Variants in UVSSA observed in about 807,000 individuals in gnomAD.
UVSSA encodes UV-stimulated scaffold protein A.
UVSSA carries 72 observed loss-of-function variants against 73.9 expected under a neutral mutation model. That is an observed-to-expected ratio of 0.97 (90% CI 0.81 to 1.19). The LOEUF is 1.19. Ranked by LOEUF, UVSSA falls within the 50% of genes most tolerant of loss-of-function variation. The probability of loss-of-function intolerance (pLI) is 0.00; values close to 1 mark genes in which losing one functional copy is unlikely to be tolerated. For synonymous variants in UVSSA, 454 were observed against 391.3 expected, an observed-to-expected ratio of 1.16 and a Z score of -1.89; for missense variants, 1,150 against 965.0, an observed-to-expected ratio of 1.19 and a Z score of -2.54.
exon 14 of UVSSA, chr4:1,394,879 G>A (rs778750225): frequency 5.3e-6 from 8 of 1,515,108 alleles, no homozygotes; most frequent in Middle Eastern, 1.8e-4. Context: ...GTGCCGATGC[G>A]GAGTGCCCGC....
chr4:1,387,414 T>C lies in UVSSA; in HGVS notation c.*1453T>C, dbSNP rs547883147. ...TTTCTTCCATACTGTTGTTTCACTT[T>C]CTGGATAGTGTCCTCTGAAGCACAA... On this transcript the variant is annotated 3_prime_UTR_variant, in exon 14 of 14. Coordinates refer to ENST00000389851, the MANE Select transcript of UVSSA (RefSeq NM_020894.4). The C allele has an allele frequency of 6.6e-6, 1 of 152,374 alleles. No individual in the cohort carries two copies. The highest frequency in any genetic ancestry group is 2.1e-4 in the South Asian group (1 of 4,832). 9.4% of individuals were successfully genotyped at this position (152,374 alleles called of 1,614,324 possible). A position where few individuals can be genotyped will look rare whatever the true frequency, so the allele number is the denominator to read the frequency against.
At chr4:1,355,090 T>C in intron 6 of UVSSA, 27 bp from the exon 7 acceptor site, 2 of 1,611,870 alleles carry the variant, frequency 1.2e-6, no homozygotes, top group Admixed American at 1.7e-5. Flanking sequence ...GGCCGGCCCC[T>C]GAGCTGTTCG....
intron 8 of UVSSA, among the ~76,000 whole-genome samples, chr4:1,372,861 T>TCAGG (rs1560469407): frequency 0.013 from 396 of 30,932 alleles, 29 homozygotes; most frequent in Non-Finnish European, 0.043. Flanking sequence ...CCCGCGTCCC[T>TCAGG]GCACTCACCT....
intron 8 of UVSSA, among the ~76,000 whole-genome samples, chr4:1,369,971 A>C (rs73077570): frequency 6.6e-6 from 1 of 152,178 alleles, no homozygotes; most frequent in East Asian, 1.9e-4. Context: ...AAATGCCCTC[A>C]GTGCCTGAGG....
chr4:1,353,393 T>C lies in UVSSA; in HGVS notation c.914T>C (p.Leu305Pro), dbSNP rs2109090294. The C allele has an allele frequency of 1.3e-6, 2 of 1,580,830 alleles. No homozygotes were observed. Among genetic ancestry groups the C allele is most frequent in the Non-Finnish European group, 8.6e-7 (1 of 1,163,188 alleles). ...GGGCTGGGCTCGCACAAGTACACGC[T>C]GGATGTGGAGCTCTGCTCAGGTAAC... ...SHGLGSHKYT[L>P]DVELCSEGLK... The change falls in exon 5 of 14, where the codon CTG becomes CCG. Residue 305 changes from leucine (L) to proline (P), a missense_variant. Physicochemically the swap from Leu to Pro is moderately conservative, Grantham distance 98. Transcript: ENST00000389851.
rs1320985151 is a variant in UVSSA, at chr4:1,383,822, G to A, written c.1918G>A (p.Gly640Ser). ...GGAAGCAGCCACAGGGCAGGATCTC[G>A]GCTCATCCAGGTACAGCGGGAAAGG... ...DVEAATGQDL[G>S]SSRYSGKGRG... is the part of the protein sequence containing the mutation. Residue 640 changes from glycine to serine, a missense_variant, in exon 13 of 14, where the codon GGC becomes AGC. By Grantham distance (56) the Gly-to-Ser change is moderately conservative. Coordinates refer to ENST00000389851, the MANE Select transcript of UVSSA (RefSeq NM_020894.4). 8 of 1,613,608 alleles carry A rather than the reference G, an allele frequency of 5.0e-6. No homozygotes were observed. The highest frequency in any genetic ancestry group is 5.9e-6 in the Non-Finnish European group (7 of 1,180,018).
intron 8 of UVSSA, 89 bp downstream of exon 8, chr4:1,366,520 G>A (rs1224751467): frequency 4.3e-6 from 4 of 932,094 alleles, no homozygotes; most frequent in Admixed American, 2.5e-5. Flanking sequence ...TCAGGGGCAG[G>A]GCCTGGAGCC....
chr4:1,386,209 A>T lies in UVSSA; in HGVS notation c.*248A>T, dbSNP rs1008204589. ...CCTGGAGATGTGAACACAGGCAGCGACCCTGTTCCAGAGGGCTTCTGCGAG... is the reference window on the plus strand; with the variant it reads ...CCTGGAGATGTGAACACAGGCAGCGTCCCTGTTCCAGAGGGCTTCTGCGAG... On this transcript the variant is annotated 3_prime_UTR_variant, in exon 14 of 14. Transcript: ENST00000389851. The T allele has an allele frequency of 7.1e-5, 34 of 481,050 alleles. No homozygotes were observed. Among genetic ancestry groups the T allele is most frequent in the Middle Eastern group, 5.7e-4 (1 of 1,742 alleles). 29.8% of individuals were successfully genotyped at this position (481,050 alleles called of 1,614,324 possible). A position where few individuals can be genotyped will look rare whatever the true frequency, so the allele number is the denominator to read the frequency against.
At chr4:1,369,810 G>T (rs1231066807) in intron 8 of UVSSA, among the ~76,000 whole-genome samples, 3 of 152,252 alleles carry the variant, frequency 2.0e-5, no homozygotes, top group Admixed American at 6.5e-5. Flanking sequence ...AGGGGATTTG[G>T]ACATTTTTAT....
intron 7 of UVSSA, among the ~76,000 whole-genome samples, chr4:1,361,349 G>C (rs1051003261): frequency 2.0e-5 from 3 of 152,240 alleles, no homozygotes; most frequent in Admixed American, 2.0e-4. Context: ...GACGAGAATG[G>C]GAAGAGGCCC....
rs777730447 is a variant in UVSSA, at chr4:1,395,642, G to A, written c.*9681G>A. On this transcript the variant is annotated 3_prime_UTR_variant, in exon 14 of 14. Coordinates refer to the UVSSA transcript ENST00000511216. ...ATGTGGAGTGCCCGCCTGCTCACACGTGCCCATGTGGAGTGCCTGCCTGCT... is the reference window on the plus strand; with the variant it reads ...ATGTGGAGTGCCCGCCTGCTCACACATGCCCATGTGGAGTGCCTGCCTGCT... 52 of 1,581,904 alleles carry A rather than the reference G, an allele frequency of 3.3e-5. No homozygotes were observed. The East Asian group carries it at 7.0e-4, about 21-fold the overall frequency.
rs146406848 is a variant in UVSSA at position 1,376,093 on chromosome 4, G to A, written c.1493G>A (p.Arg498Gln). ...EAQKLAAERA[R>Q]APVVPYGVDL... ...CAGAAGCTGGCAGCAGAGCGGGCCC[G>A]GGCGCCTGTGGTGCCCTACGGCGTG... The change falls in exon 10 of 14, where the codon CGG (arginine) becomes CAG (glutamine). Residue 498 changes from arginine to glutamine, a missense_variant. Physicochemically the swap from Arg to Gln is conservative, Grantham distance 43. Transcript: ENST00000389851. The A allele has an allele frequency of 4.8e-4, 772 of 1,603,354 alleles. 9 individuals are homozygous for A. The highest frequency in any genetic ancestry group is 4.1e-3 in the South Asian group (367 of 89,446).
Position 1,351,749 on chromosome 4 carries a change from C to T in UVSSA, c.464C>T (p.Ala155Val), listed in dbSNP as rs201414673. ...CAAGACACGAATGCTCGGAGTCTGG[C>T]AGAAAGGAAGAGAGAAGAGGAGAAG... ...DFQDTNARSLAERKREEEKQK... is the reference protein window; with the variant it reads ...DFQDTNARSLVERKREEEKQK... The change falls in exon 4 of 14, where the codon GCA becomes GTA. Residue 155 changes from alanine to valine, a missense_variant. By Grantham distance (64) the Ala-to-Val change is moderately conservative. Coordinates refer to ENST00000389851, the MANE Select transcript of UVSSA (RefSeq NM_020894.4). 1.7e-5 allele frequency: 28 copies of T among 1,613,506 alleles called. No homozygotes were observed. The Admixed American group carries it at 2.2e-4, about 12-fold the overall frequency.
intron 7 of UVSSA, 167 bp from the exon 8 acceptor site, chr4:1,366,153 C>T: frequency 5.0e-6 from 3 of 595,434 alleles, no homozygotes; most frequent in Non-Finnish European, 9.0e-6. Context: ...GGAACAAGAA[C>T]AGCCTTGGAG....
intron 8 of UVSSA, among the ~76,000 whole-genome samples, chr4:1,368,339 A>G (rs987482675): frequency 2.0e-5 from 3 of 152,214 alleles, no homozygotes; most frequent in African/African-American, 7.2e-5. Flanking sequence ...AGAAATCCAC[A>G]CTTTCCCTAA....
At position 1,353,194 on chromosome 4, in the gene UVSSA, C is replaced by T. The variant is rs375280783; in HGVS notation, c.715C>T (p.Arg239Trp). The T allele has an allele frequency of 2.8e-5, 45 of 1,612,800 alleles. No homozygotes were observed. Among genetic ancestry groups the T allele is most frequent in the East Asian group, 1.6e-4 (7 of 44,868 alleles). The change falls in exon 5 of 14, where the codon CGG becomes TGG. Residue 239 changes from arginine (R) to tryptophan (W), a missense_variant. Physicochemically the swap from Arg to Trp is moderately radical, Grantham distance 101. Coordinates refer to ENST00000389851, the MANE Select transcript of UVSSA (RefSeq NM_020894.4). ...CTGCGCGGGCCAGGTGGGCCCCTGC[C>T]GGTCTGGCACCCCTGACCCCCGGGA... ...SSCAGQVGPCRSGTPDPRDGE... is the reference protein window; with the variant it reads ...SSCAGQVGPCWSGTPDPRDGE...
In UVSSA at chr4:1,348,059, G is replaced by A. The variant is rs768295013; in HGVS notation, c.-2-31G>A. 6 of 1,516,112 alleles carry A rather than the reference G, an allele frequency of 4.0e-6. No individual in the cohort carries two copies. In the East Asian group the frequency reaches 1.4e-4, roughly 34 times the overall value. The allele number at this position is 1,516,112 out of a possible 1,614,324, so 93.9% of individuals were successfully genotyped here. On this transcript the variant is annotated intron_variant, in intron 1 of 13. Coordinates refer to ENST00000389851, the MANE Select transcript of UVSSA (RefSeq NM_020894.4). ...CCGAGAGCTATAAAATACAGATGGT[G>A]ATATAGCATCTCTGCCTTACTTATT...
exon 14 of UVSSA, chr4:1,395,383 T>C (rs1218357881): frequency 2.0e-6 from 3 of 1,513,838 alleles, no homozygotes; most frequent in Non-Finnish European, 2.7e-6. Context: ...AGTGCCCGCC[T>C]GCTCACACGT....
At chr4:1,352,633 TG>T (rs1377428405) in intron 4 of UVSSA, among the ~76,000 whole-genome samples, 1 of 152,224 alleles carries the variant, frequency 6.6e-6, no homozygotes, top group African/African-American at 2.4e-5. Flanking sequence ...GCTGCTGAGC[TG>T]GGTGCTCTAG....
Sources: allele counts gnomAD v4.1 joint callset (sites outside exome capture counted in the v4.1 genomes callset), GRCh38; gene constraint gnomAD v4.1.1; transcripts MANE v1.5; gene names NCBI Gene and HGNC (gene_info 2026-07-23, HGNC 2026-07-21).